The following CACNG3 variants were observed in gnomAD, a reference collection of about 807,000 sequenced individuals.
CACNG3 encodes the protein calcium voltage-gated channel auxiliary subunit gamma 3, also known as voltage-dependent calcium channel gamma-3 subunit.
In CACNG3, 3 loss-of-function variants were observed where a neutral mutation model predicts 28.5. The observed-to-expected ratio is 0.11, with a 90% CI of 0.05 to 0.27. The LOEUF is 0.27. Among genes scored for constraint, CACNG3 ranks in the 10% least tolerant of loss-of-function variants. The pLI, the probability that CACNG3 is intolerant of heterozygous loss-of-function variation, is 1.00. For missense variants in CACNG3, 236 were observed against 414.4 expected, an observed-to-expected ratio of 0.57 and a Z score of 3.74; for synonymous variants, 174 against 162.2, an observed-to-expected ratio of 1.07 and a Z score of -0.55.
At chr16:24,357,439 T>C (rs1001483660) in intron 3 of CACNG3, among the ~76,000 whole-genome samples, 1 of 152,064 alleles carries the variant, frequency 6.6e-6, no homozygotes, top group Non-Finnish European at 1.5e-5. Context: ...AGCACAATAT[T>C]ATTTTCTAGT....
At chr16:24,313,073 G>GGAAGGAAGGA (rs1555460277) in intron 1 of CACNG3, among the ~76,000 whole-genome samples, 3 of 138,032 alleles carry the variant, frequency 2.2e-5, no homozygotes, top group South Asian at 2.5e-4. Flanking sequence ...GCGAGGGAGG[G>GGAAGGAAGGA]AGGAAGGAAG....
At chr16:24,317,086 A>G (rs1211526179) in intron 1 of CACNG3, among the ~76,000 whole-genome samples, 2 of 152,208 alleles carry the variant, frequency 1.3e-5, no homozygotes, top group African/African-American at 4.8e-5. Context: ...CCTCCAGGCT[A>G]CATAGTAACT....
chr16:24,350,983 A>C (rs1308175601), intron 2 of CACNG3, among the ~76,000 whole-genome samples: 1 of 152,220 alleles, frequency 6.6e-6, no homozygotes, highest in Non-Finnish European at 1.5e-5. Flanking sequence ...ACAGAACCCC[A>C]GAGCTCACTC....
At chr16:24,290,173 A>G (rs1222122179) in intron 1 of CACNG3, among the ~76,000 whole-genome samples, 2 of 152,212 alleles carry the variant, frequency 1.3e-5, no homozygotes, top group Admixed American at 6.5e-5. Flanking sequence ...CCCATCTTTT[A>G]TTTATTTGTT....
chr16:24,303,344 GTATT>G lies in CACNG3; in HGVS notation c.212-43367_212-43364del, dbSNP rs35148228. ...TCTTATTACTTAGAACTCTATGTGT[GTATT>G]TATTTATTTATTTATTTATTTAGTA... On this transcript the variant is annotated intron_variant, in intron 1 of 3. Coordinates refer to ENST00000005284, the MANE Select transcript of CACNG3 (RefSeq NM_006539.4). Among the ~76,000 whole-genome samples, 243 of 149,986 alleles carry G rather than the reference GTATT, an allele frequency of 1.6e-3. 1 individual carries two copies. Among genetic ancestry groups the G allele is most frequent in the African/African-American group, 5.7e-3 (232 of 40,704 alleles).
intron 1 of CACNG3, among the ~76,000 whole-genome samples, chr16:24,326,326 T>C (rs931970153): frequency 6.6e-6 from 1 of 151,992 alleles, no homozygotes; most frequent in African/African-American, 2.4e-5. Flanking sequence ...CATGCGCCAG[T>C]AGGCCCGGCT....
At chr16:24,279,206 T>A (rs979917644) in intron 1 of CACNG3, among the ~76,000 whole-genome samples, 1 of 152,210 alleles carries the variant, frequency 6.6e-6, no homozygotes, top group Admixed American at 6.5e-5. Flanking sequence ...AATAGAAAAT[T>A]AAAGATCTGA....
intron 1 of CACNG3, among the ~76,000 whole-genome samples, chr16:24,278,563 C>A (rs183915279): frequency 7.2e-5 from 11 of 152,132 alleles, no homozygotes; most frequent in Admixed American, 5.2e-4. Flanking sequence ...TTGCAGTGAG[C>A]CGAGATTGCA....
intron 1 of CACNG3, among the ~76,000 whole-genome samples, chr16:24,330,940 A>C (rs1199558947): frequency 6.6e-6 from 1 of 152,200 alleles, no homozygotes; most frequent in Non-Finnish European, 1.5e-5. Flanking sequence ...GAAGATCAAC[A>C]CACATCTGGT....
intron 1 of CACNG3, among the ~76,000 whole-genome samples, chr16:24,317,574 GAAAGAAAGAA>G (rs1899372795): frequency 2.0e-5 from 1 of 50,946 alleles, no homozygotes; most frequent in Non-Finnish European, 3.5e-5. Context: ...AAGAAAGAAA[GAAAGAAAGAA>G]AGAAAGAAAG....
intron 1 of CACNG3, among the ~76,000 whole-genome samples, chr16:24,257,385 G>GAA (rs1395131557): frequency 1.0e-5 from 1 of 97,896 alleles, no homozygotes; most frequent in Non-Finnish European, 2.1e-5. Flanking sequence ...GAGAGAGAGA[G>GAA]AGAGAGAGAG....
At chr16:24,359,597 C>T (rs1371042114) in intron 3 of CACNG3, among the ~76,000 whole-genome samples, 1 of 152,050 alleles carries the variant, frequency 6.6e-6, no homozygotes, top group African/African-American at 2.4e-5. Context: ...CATGATGGCT[C>T]ATGTCTGTAA....
chr16:24,300,923 C>T (rs913329298), intron 1 of CACNG3, among the ~76,000 whole-genome samples: 9 of 151,922 alleles, frequency 5.9e-5, no homozygotes, highest in African/African-American at 2.2e-4. Flanking sequence ...GTGGCACACA[C>T]TTGTGGTCCC....
intron 1 of CACNG3, among the ~76,000 whole-genome samples, chr16:24,258,705 T>A (rs1034394238): frequency 3.3e-5 from 5 of 152,164 alleles, no homozygotes; most frequent in African/African-American, 1.2e-4. Flanking sequence ...TAAAACTGAT[T>A]TGGTGGATGT....
At chr16:24,349,720 C>T (rs1009201597) in intron 2 of CACNG3, among the ~76,000 whole-genome samples, 1 of 152,176 alleles carries the variant, frequency 6.6e-6, no homozygotes, top group Admixed American at 6.5e-5. Flanking sequence ...TTTGGGCTGG[C>T]TTCTTCACTG....
intron 1 of CACNG3, among the ~76,000 whole-genome samples, chr16:24,317,631 ACAGAAAGAAAGAAAAGAAAAGAAAGAAAG>A (rs1567217556): frequency 1.8e-5 from 1 of 55,784 alleles, no homozygotes; most frequent in African/African-American, 8.5e-5. Flanking sequence ...AGAAAGACAG[ACAGAAAGAAAGAAAAGAAAAGAAAGAAAG>A]AAAGAAAGAA....
intron 1 of CACNG3, among the ~76,000 whole-genome samples, chr16:24,318,872 G>C (rs1899421300): frequency 6.6e-6 from 1 of 152,156 alleles, no homozygotes; most frequent in East Asian, 1.9e-4. Context: ...CCAGTAGGAG[G>C]CTCCCTGGCT....
intron 1 of CACNG3, among the ~76,000 whole-genome samples, chr16:24,312,959 A>AAGAAAGAAAGAAAGAAAGAAAGAAAGAG (rs1297026328): frequency 8.6e-5 from 12 of 139,732 alleles, no homozygotes; most frequent in East Asian, 2.1e-4. Flanking sequence ...AAGAAAGAGA[A>AAGAAAGAAAGAAAGAAAGAAAGAAAGAG]AGAAAGAAAA....
intron 1 of CACNG3, among the ~76,000 whole-genome samples, chr16:24,277,670 C>T (rs1898770252): frequency 6.6e-6 from 1 of 151,588 alleles, no homozygotes; most frequent in Non-Finnish European, 1.5e-5. Context: ...AGCTACTCTA[C>T]TCAGGAGGCT....
Sources: allele counts gnomAD v4.1 joint callset (sites outside exome capture counted in the v4.1 genomes callset), GRCh38; gene constraint gnomAD v4.1.1; transcripts MANE v1.5; gene names NCBI Gene and HGNC (gene_info 2026-07-23, HGNC 2026-07-21).